The following MIA2 variants were observed in gnomAD, a reference collection of about 807,000 sequenced individuals.
The protein encoded by MIA2 is melanoma inhibitory activity protein 2.
MIA2 carries 127 observed loss-of-function variants against 167.8 expected under a neutral mutation model. The observed-to-expected ratio is 0.76, with a 90% CI of 0.66 to 0.88. MIA2 has a LOEUF of 0.88. Ranked by LOEUF, MIA2 falls within the 40% of genes least tolerant of loss-of-function variation. The pLI is 0.00. For synonymous variants in MIA2, 552 were observed against 541.9 expected, an observed-to-expected ratio of 1.02 and a Z score of -0.26; for missense variants, 1,690 against 1,624.7, an observed-to-expected ratio of 1.04 and a Z score of -0.69.
intron 25 of MIA2, among the ~76,000 whole-genome samples, chr14:39,342,522 T>C (rs1333511029): frequency 6.6e-6 from 1 of 152,200 alleles, no homozygotes; most frequent in South Asian, 2.1e-4. Context: ...TTTGGGTATA[T>C]ACCCAGTAAT....
chr14:39,321,475 G>A (rs1295637829), intron 24 of MIA2, among the ~76,000 whole-genome samples: 3 of 151,546 alleles, frequency 2.0e-5, no homozygotes, highest in South Asian at 2.1e-4. Context: ...CACCATGCCC[G>A]GCTAATTTTT....
chr14:39,335,965 T>C (rs2070303267), intron 25 of MIA2, among the ~76,000 whole-genome samples: 1 of 152,230 alleles, frequency 6.6e-6, no homozygotes. Flanking sequence ...TGTAGTATTC[T>C]ATGGTGTATA....
chr14:39,262,757 A>C (rs892473138), intron 6 of MIA2, among the ~76,000 whole-genome samples: 2 of 151,958 alleles, frequency 1.3e-5, no homozygotes, highest in African/African-American at 2.4e-5. Context: ...ATTCCTAGGT[A>C]TTTTATTCTC....
At chr14:39,335,246 G>C (rs2070085772) in intron 25 of MIA2, among the ~76,000 whole-genome samples, 1 of 151,972 alleles carries the variant, frequency 6.6e-6, no homozygotes, top group South Asian at 2.1e-4. Context: ...AAATATTTTA[G>C]TTTAAAATAC....
intron 9 of MIA2, among the ~76,000 whole-genome samples, chr14:39,284,900 T>C (rs7141537): frequency 0.87 from 126,519 of 146,158 alleles, 54,898 homozygotes; most frequent in East Asian, 0.93. Context: ...CCCTGCGGTC[T>C]TCCGCAGTGT....
chr14:39,352,855 A>ATAC (rs1226049513), downstream of MIA2, among the ~76,000 whole-genome samples: 2 of 152,174 alleles, frequency 1.3e-5, no homozygotes, highest in East Asian at 3.8e-4. Context: ...TTTACCTTGG[A>ATAC]TACTCATTTT....
intron 26 of MIA2, among the ~76,000 whole-genome samples, 174 bp downstream of exon 26, chr14:39,346,200 A>G (rs1350308572): frequency 1.3e-5 from 2 of 152,222 alleles, no homozygotes; most frequent in Non-Finnish European, 2.9e-5. Flanking sequence ...CAGACATGGC[A>G]TCCAAATATA....
At chr14:39,296,936 C>A (rs1324401791) in intron 13 of MIA2, among the ~76,000 whole-genome samples, 1 of 147,994 alleles carries the variant, frequency 6.8e-6, no homozygotes, top group Non-Finnish European at 1.5e-5. Flanking sequence ...CCACCACGCC[C>A]GGCTAATTTT....
intron 3 of MIA2, among the ~76,000 whole-genome samples, chr14:39,245,700 C>T (rs1271561412): frequency 1.3e-5 from 2 of 151,444 alleles, no homozygotes; most frequent in South Asian, 2.1e-4. Context: ...GGGGAGAAAG[C>T]GAGAGAGAGA....
intron 6 of MIA2, among the ~76,000 whole-genome samples, chr14:39,261,115 A>G (rs2055084640): frequency 6.6e-6 from 1 of 151,820 alleles, no homozygotes; most frequent in Non-Finnish European, 1.5e-5. Flanking sequence ...CATTAGGTAT[A>G]TCTCCTAGTG....
In MIA2 at chr14:39,294,038, T is replaced by C; in HGVS notation, c.2358T>C (p.Asp786=). The C allele has an allele frequency of 6.2e-7, 1 of 1,612,300 alleles. No homozygotes were observed. The highest frequency in any genetic ancestry group is 8.5e-7 in the Non-Finnish European group (1 of 1,179,022). Residue 786 remains aspartate, a synonymous_variant, in exon 12 of 29, where the codon GAT becomes GAC. Coordinates refer to ENST00000640607, the MANE Select transcript of MIA2 (RefSeq NM_001329214.4). ...CAAAAAGGATACAGTCTCTAGAAGA[T>C]GAGTCAAAATCCCTCAAATCACAAG... is the stretch of plus-strand genomic sequence containing the variant. The part of the protein sequence containing the change: ...DISKRIQSLE[D]ESKSLKSQVA...
chr14:39,312,189 A>G (rs2152931576), intron 18 of MIA2, among the ~76,000 whole-genome samples: 1 of 152,304 alleles, frequency 6.6e-6, no homozygotes, highest in East Asian at 1.9e-4. Flanking sequence ...TTCTATTATT[A>G]ATAGGCCCAC....
chr14:39,270,367 G>T (rs1443573856), intron 6 of MIA2, among the ~76,000 whole-genome samples: 1 of 151,378 alleles, frequency 6.6e-6, no homozygotes, highest in Non-Finnish European at 1.5e-5. Context: ...ACACCTGGCT[G>T]ATTTTTGTAT....
At chr14:39,235,981 G>T (rs773737416) in intron 1 of MIA2, among the ~76,000 whole-genome samples, 62 of 151,892 alleles carry the variant, frequency 4.1e-4, no homozygotes, top group South Asian at 2.1e-4. Flanking sequence ...AGGTAATATG[G>T]TGTGTATATT....
intron 23 of MIA2, chr14:39,386,159 G>A: frequency 1.5e-6 from 2 of 1,356,122 alleles, no homozygotes; most frequent in Non-Finnish European, 2.1e-6. Context: ...ATAGGAAGAT[G>A]TTGTTCCAGA....
In MIA2 at chr14:39,234,202, A is replaced by T; in HGVS notation, c.88A>T (p.Lys30Ter). ...GAGTACAAAACTGCTGGCAGACCTT[A>T]AAAAATGTGGTGACTTGGAATGTGA... ...LESTKLLADL[K>*]KCGDLECEAL... Residue 30 changes from lysine to a stop codon, truncating the protein, a stop_gained, in exon 1 of 29, where the codon AAA (lysine) becomes TAA (stop). Coordinates refer to ENST00000640607, the MANE Select transcript of MIA2 (RefSeq NM_001329214.4). LOFTEE classifies it high-confidence loss of function. 1 of 1,604,910 alleles carries T rather than the reference A, an allele frequency of 6.2e-7. No homozygotes were observed. The highest frequency in any genetic ancestry group is 8.5e-7 in the Non-Finnish European group (1 of 1,174,444).
rs565653318 is a variant in MIA2, at chr14:39,330,651, C to CAGAGA, written c.3655+3629_3655+3630insAGAGA. Among the ~76,000 whole-genome samples, 910 of 152,256 alleles carry CAGAGA rather than the reference C, an allele frequency of 6.0e-3. 2 individuals carry two copies. Among genetic ancestry groups the CAGAGA allele is most frequent in the Admixed American group, 0.011 (171 of 15,296 alleles). On this transcript the variant is annotated intron_variant, in intron 25 of 28. Coordinates refer to ENST00000640607, the MANE Select transcript of MIA2 (RefSeq NM_001329214.4). ...CTGCTTTAGCTGTGTCCCAGAGATT[C>CAGAGA]TGGTATGTTGTGTCTTTGTTCTCAT...
intron 13 of MIA2, among the ~76,000 whole-genome samples, chr14:39,298,527 A>G (rs1418969801): frequency 1.0e-3 from 8 of 7,920 alleles, no homozygotes; most frequent in Admixed American, 1.9e-3. Flanking sequence ...TTGGTAGAAC[A>G]GAGTTTTTTT....
intron 14 of MIA2, among the ~76,000 whole-genome samples, chr14:39,301,039 TA>T (rs2062398183): frequency 6.9e-6 from 1 of 145,152 alleles, no homozygotes; most frequent in Non-Finnish European, 1.5e-5. Flanking sequence ...TACATATACA[TA>T]CACACACACA....
Sources: gnomAD v4.1 joint callset for allele counts (sites outside exome capture counted in the v4.1 genomes callset) on GRCh38, gnomAD v4.1.1 for gene constraint, MANE v1.5 for transcripts, NCBI Gene and HGNC (gene_info 2026-07-23, HGNC 2026-07-21) for gene names.